Variants in SOX5 observed in about 807,000 individuals in gnomAD.
The protein encoded by SOX5 is SRY-box transcription factor 5.
In SOX5, 9 loss-of-function variants were observed where a neutral mutation model predicts 92.0. That is an observed-to-expected ratio of 0.10 (90% CI 0.06 to 0.17). The LOEUF is 0.17. Among genes scored for constraint, SOX5 ranks in the 10% least tolerant of loss-of-function variants. The probability of loss-of-function intolerance (pLI) is 1.00; values close to 1 mark genes in which losing one functional copy is unlikely to be tolerated. For synonymous variants in SOX5, 344 were observed against 336.3 expected, an observed-to-expected ratio of 1.02 and a Z score of -0.25; for missense variants, 642 against 944.5, an observed-to-expected ratio of 0.68 and a Z score of 4.20.
chr12:24,345,637 A>C (rs1457189685), intron 2 of SOX5, among the ~76,000 whole-genome samples: 1 of 152,214 alleles, frequency 6.6e-6, no homozygotes, highest in Non-Finnish European at 1.5e-5. Context: ...CCAACGGAAA[A>C]GTATAAAATT....
chr12:23,627,079 G>A (rs1456811269), intron 8 of SOX5, among the ~76,000 whole-genome samples: 6 of 152,102 alleles, frequency 3.9e-5, no homozygotes, highest in Admixed American at 6.6e-5. Context: ...CATTCTTGCT[G>A]TAAAACTCTC....
intron 1 of SOX5, among the ~76,000 whole-genome samples, chr12:24,560,403 T>C (rs192608183): frequency 6.6e-6 from 1 of 152,220 alleles, no homozygotes; most frequent in Non-Finnish European, 1.5e-5. Flanking sequence ...TTATCTTGTA[T>C]AGTTCTGAGG....
chr12:23,648,160 C>A (rs370766750), intron 7 of SOX5, among the ~76,000 whole-genome samples: 8 of 152,054 alleles, frequency 5.3e-5, no homozygotes, highest in East Asian at 3.9e-4. Context: ...TAATAATAAT[C>A]AAGTTTGAAA....
intron 1 of SOX5, among the ~76,000 whole-genome samples, chr12:24,547,066 A>C (rs1421537749): frequency 6.6e-6 from 1 of 152,270 alleles, no homozygotes; most frequent in Non-Finnish European, 1.5e-5. Context: ...ACAACAAAAA[A>C]AGAAATTATA....
chr12:23,981,753 C>T (rs534794418), intron 4 of SOX5, among the ~76,000 whole-genome samples: 5 of 152,004 alleles, frequency 3.3e-5, no homozygotes, highest in Non-Finnish European at 7.4e-5. Flanking sequence ...AGGCTAAAGA[C>T]TGTTATCAAA....
At position 24,286,853 on chromosome 12, in the gene SOX5, C is replaced by T. The variant is rs531854298; in HGVS notation, c.-173-9541G>A. On this transcript the variant is annotated intron_variant, in intron 2 of 4. Coordinates refer to the SOX5 transcript ENST00000446891. ...AGAACGGGTCACTCTGGCTTTGTTA[C>T]TTATCCAAGTGATCTTGGACACAAT... 3.9e-5 allele frequency among the ~76,000 whole-genome samples: 6 copies of T among 152,356 alleles called. 1 individual carries two copies. The highest frequency in any genetic ancestry group is 1.4e-4 in the African/African-American group (6 of 41,588).
In SOX5 at chr12:24,168,699, C is replaced by T. The variant is rs1046341401; in HGVS notation, c.-2+44644G>A. ...TTGGACAAGGCAGATAATATGATGG[C>T]TTTTGGAATATAATAGAGAATAGAA... On this transcript the variant is annotated intron_variant, in intron 4 of 4. Transcript: ENST00000446891. Among the ~76,000 whole-genome samples the T allele has an allele frequency of 3.3e-5, 5 of 152,036 alleles. No homozygotes were observed. In the East Asian group the frequency reaches 9.6e-4, roughly 29 times the overall value.
At chr12:23,670,645 G>C (rs528311606) in intron 6 of SOX5, among the ~76,000 whole-genome samples, 16 of 152,208 alleles carry the variant, frequency 1.1e-4, no homozygotes, top group Non-Finnish European at 2.2e-4. Flanking sequence ...TATGGGTAGG[G>C]AAAGGGGAAG....
At chr12:23,950,792 C>G (rs1434482083), upstream of SOX5, 1 of 1,350,628 alleles carries the variant, frequency 7.4e-7, no homozygotes, top group East Asian at 2.5e-5. Flanking sequence ...AATCTGGCAG[C>G]CGAGAAAGGT....
intron 4 of SOX5, among the ~76,000 whole-genome samples, chr12:23,750,995 T>G (rs2094163202): frequency 6.6e-6 from 1 of 151,936 alleles, no homozygotes. Flanking sequence ...TTTTGAAAAC[T>G]TATATTCTAC....
chr12:24,261,984 G>A (rs1056527421), intron 3 of SOX5, among the ~76,000 whole-genome samples: 2 of 152,180 alleles, frequency 1.3e-5, no homozygotes, highest in African/African-American at 2.4e-5. Context: ...TTCCATAAAT[G>A]TTTATATCGT....
At chr12:24,429,172 C>T (rs1318749885) in intron 1 of SOX5, among the ~76,000 whole-genome samples, 1 of 151,700 alleles carries the variant, frequency 6.6e-6, no homozygotes, top group Non-Finnish European at 1.5e-5. Flanking sequence ...AAAAAATTAG[C>T]CGGGCATGGT....
intron 2 of SOX5, among the ~76,000 whole-genome samples, chr12:23,889,809 C>T (rs1176944708): frequency 6.6e-6 from 1 of 152,052 alleles, no homozygotes; most frequent in Non-Finnish European, 1.5e-5. Flanking sequence ...AGCATATTAA[C>T]ATTAAGATAT....
At chr12:23,741,357 A>G (rs568091434) in intron 4 of SOX5, among the ~76,000 whole-genome samples, 141 of 152,238 alleles carry the variant, frequency 9.3e-4, no homozygotes, top group Non-Finnish European at 1.6e-3. Context: ...TTTAACTTTT[A>G]CTTTATAAGT....
intron 3 of SOX5, among the ~76,000 whole-genome samples, chr12:23,797,166 C>A (rs945490229): frequency 5.9e-5 from 9 of 151,666 alleles, no homozygotes; most frequent in African/African-American, 2.2e-4. Context: ...CTTTTGGTAC[C>A]TTAACTAGTT....
intron 3 of SOX5, among the ~76,000 whole-genome samples, chr12:23,776,114 T>A (rs1229728507): frequency 6.6e-6 from 1 of 152,244 alleles, no homozygotes; most frequent in Non-Finnish European, 1.5e-5. Context: ...AAATGAAATT[T>A]ATAAGTTGAA....
intron 3 of SOX5, among the ~76,000 whole-genome samples, chr12:23,766,108 T>G (rs2094717880): frequency 6.6e-6 from 1 of 152,178 alleles, no homozygotes; most frequent in South Asian, 2.1e-4. Flanking sequence ...GCAGACAGAC[T>G]TTTCTAAATG....
intron 1 of SOX5, among the ~76,000 whole-genome samples, chr12:24,556,021 C>A (rs1279360054): frequency 6.6e-6 from 1 of 152,292 alleles, no homozygotes; most frequent in African/African-American, 2.4e-5. Context: ...GGTGACTCTT[C>A]CAATGGCTGA....
chr12:24,094,525 A>G (rs1435907890), intron 4 of SOX5, among the ~76,000 whole-genome samples: 1 of 149,738 alleles, frequency 6.7e-6, no homozygotes, highest in Non-Finnish European at 1.5e-5. Context: ...ACAAAATGCC[A>G]GATTTACTCA....
Sources: allele counts gnomAD v4.1 joint callset (sites outside exome capture counted in the v4.1 genomes callset), GRCh38; gene constraint gnomAD v4.1.1; transcripts MANE v1.5; gene names NCBI Gene and HGNC (gene_info 2026-07-23, HGNC 2026-07-21).